The following LIMS2 variants were observed in gnomAD, a reference collection of about 807,000 sequenced individuals.
LIMS2 encodes the protein LIM and senescent cell antigen-like-containing domain protein 2.
Under a neutral mutation model 45.3 loss-of-function variants are expected in LIMS2, and 30 were observed. The ratio of observed to expected loss-of-function variants is 0.66; its 90% CI spans 0.50 to 0.90. The LOEUF is 0.90. Ranked by LOEUF, LIMS2 falls within the 40% of genes least tolerant of loss-of-function variation. The pLI is 0.00. For synonymous variants in LIMS2, 173 were observed against 188.0 expected, an observed-to-expected ratio of 0.92 and a Z score of 0.65; for missense variants, 485 against 468.7, an observed-to-expected ratio of 1.03 and a Z score of -0.32.
chr2:127,677,178 G>C (rs547351916), upstream of LIMS2, among the ~76,000 whole-genome samples: 1 of 152,324 alleles, frequency 6.6e-6, no homozygotes, highest in East Asian at 1.9e-4. This position sits in a 1 kb window ranked among gnomAD's most constrained non-coding sequence, Gnocchi z 5.0. Flanking sequence ...AGAGTTGCAG[G>C]AAAGAGCTGG....
At position 127,639,186 on chromosome 2, in the gene LIMS2, C is replaced by T. The variant is rs748047860; in HGVS notation, c.*95G>A. ...GGAAAGAGAAAGGGAGGGTAAGATG[C>T]GGAGGGCACAGGTGGATGGGGACGA... On this transcript the variant is annotated 3_prime_UTR_variant, in exon 10 of 10. Coordinates refer to ENST00000355119, the MANE Select transcript of LIMS2 (RefSeq NM_001161403.3). 52 of 1,315,912 alleles carry T rather than the reference C, an allele frequency of 4.0e-5. No individual in the cohort carries two copies. The highest frequency in any genetic ancestry group is 6.0e-5 in the Admixed American group (3 of 49,604). 81.5% of individuals were successfully genotyped at this position (1,315,912 alleles called of 1,614,324 possible).
intron 4 of LIMS2, 74 bp downstream of exon 4, chr2:127,654,350 C>T: frequency 6.2e-7 from 1 of 1,600,442 alleles, no homozygotes; most frequent in African/African-American, 1.3e-5. Flanking sequence ...AAGTGGGTAG[C>T]ACACAGGAGA....
At chr2:127,651,633 G>C (rs201125162) in intron 4 of LIMS2, 11 of 1,613,396 alleles carry the variant, frequency 6.8e-6, no homozygotes, top group Non-Finnish European at 1.7e-6. Flanking sequence ...GTATTTCTTC[G>C]TGGCTGAGAA....
In LIMS2 at chr2:127,647,238, C is replaced by T. The variant is rs1683089071; in HGVS notation, c.360-4166G>A. ...GGGCCCCTAAAATGAGGGAGTGGCC[C>T]CAGGGCCAGGAGGGGGTGCTGAGCC... On this transcript the variant is annotated intron_variant, in intron 4 of 9. Transcript: ENST00000355119. This position sits in a 1 kb window ranked among gnomAD's most constrained non-coding sequence, Gnocchi z 4.3. Among the ~76,000 whole-genome samples, 2 of 152,176 alleles carry T rather than the reference C, an allele frequency of 1.3e-5. No individual in the cohort carries two copies. The highest frequency in any genetic ancestry group is 4.8e-5 in the African/African-American group (2 of 41,456).
chr2:127,643,137 GA>G, intron 4 of LIMS2, 65 bp from the exon 5 acceptor site: 1 of 1,502,414 alleles, frequency 6.7e-7, no homozygotes, highest in East Asian at 2.5e-5. Context: ...ACCTCCAGGA[GA>G]AGAGAGGCCA....
chr2:127,641,197 GACA>G, intron 6 of LIMS2: 1 of 550,138 alleles, frequency 1.8e-6, no homozygotes, highest in Admixed American at 3.0e-5. Flanking sequence ...AGAGGGGACT[GACA>G]CCTCTGTGAA....
At chr2:127,663,325 C>T (rs1411669446) in intron 1 of LIMS2, among the ~76,000 whole-genome samples, 1 of 152,216 alleles carries the variant, frequency 6.6e-6, no homozygotes, top group African/African-American at 2.4e-5. Flanking sequence ...CAGCAGGCTG[C>T]CCCAGACCTG....
upstream of LIMS2, among the ~76,000 whole-genome samples, chr2:127,679,613 C>A (rs1456279255): frequency 2.0e-5 from 3 of 151,936 alleles, no homozygotes; most frequent in Non-Finnish European, 2.9e-5. The surrounding 1 kb of genome is among the most constrained non-coding windows in gnomAD (Gnocchi z 5.3). Flanking sequence ...CTCCACCCCC[C>A]ACCTTCTCCC....
At chr2:127,641,862 G>C (rs879384207) in intron 6 of LIMS2, 187 bp downstream of exon 6, 6 of 606,422 alleles carry the variant, frequency 9.9e-6, no homozygotes, top group Non-Finnish European at 1.4e-5. Flanking sequence ...CGGGTCTCCT[G>C]GCTCCCGTGG....
chr2:127,671,655 G>A lies in LIMS2; in HGVS notation c.11+3359C>T, dbSNP rs970288337. Among the ~76,000 whole-genome samples the A allele has an allele frequency of 2.0e-5, 3 of 152,180 alleles. No homozygotes were observed. In the East Asian group the frequency reaches 5.8e-4, roughly 29 times the overall value. On this transcript the variant is annotated intron_variant, in intron 1 of 9. Coordinates refer to ENST00000355119, the MANE Select transcript of LIMS2 (RefSeq NM_001161403.3). The surrounding 1 kb of genome is among the most constrained non-coding windows in gnomAD (Gnocchi z 4.1). ...AGCCCAGGTGGGGGTATCACACCACGGGACTGGACACCCTGCAGATCAGTC... is the reference window on the plus strand; with the variant it reads ...AGCCCAGGTGGGGGTATCACACCACAGGACTGGACACCCTGCAGATCAGTC...
intron 1 of LIMS2, among the ~76,000 whole-genome samples, chr2:127,673,496 G>T (rs774315107): frequency 1.4e-4 from 21 of 152,306 alleles, no homozygotes; most frequent in Non-Finnish European, 2.2e-4. Flanking sequence ...CTTCCCAGCG[G>T]TTCCGGCCGG....
Position 127,654,634 on chromosome 2 carries a change from T to C in LIMS2, c.239-90A>G, listed in dbSNP as rs1196895503. On this transcript the variant is annotated intron_variant, in intron 3 of 9. Transcript: ENST00000355119. The stretch of plus-strand genomic sequence containing the variant: ...AGCCCTGTCCACCTAGCACTCCGCC[T>C]GCTCTCTGCCTGGCCCATGGGCTCC... 2.5e-6 allele frequency: 4 copies of C among 1,583,722 alleles called. No individual in the cohort carries two copies. In the Admixed American group the frequency reaches 6.8e-5, roughly 27 times the overall value.
rs1359082246 is a variant in LIMS2 at position 127,653,512 on chromosome 2, T to C, written c.359+912A>G. Among the ~76,000 whole-genome samples the C allele has an allele frequency of 6.6e-6, 1 of 152,190 alleles. No individual in the cohort carries two copies. The highest frequency in any genetic ancestry group is 1.5e-5 in the Non-Finnish European group (1 of 68,036). On this transcript the variant is annotated intron_variant, in intron 4 of 9. Transcript: ENST00000355119. The surrounding 1 kb of genome is among the most constrained non-coding windows in gnomAD (Gnocchi z 5.3). ...TGTGCCATTTAGGGCTCTAGGATTC[T>C]GTCTGCAAGGGCAGCCATGAGGGCC...
chr2:127,677,838 G>A (rs1186693730), upstream of LIMS2, among the ~76,000 whole-genome samples: 2 of 152,176 alleles, frequency 1.3e-5, no homozygotes, highest in Admixed American at 1.3e-4. The surrounding 1 kb of genome is among the most constrained non-coding windows in gnomAD (Gnocchi z 5.0). Flanking sequence ...TCAGAACGGT[G>A]GCTGCCTCAG....
chr2:127,655,041 C>A (rs1684163017), intron 2 of LIMS2, 145 bp from the exon 3 acceptor site: 5 of 762,456 alleles, frequency 6.6e-6, no homozygotes, highest in Non-Finnish European at 9.3e-6. Context: ...CAGTGGGTCC[C>A]AGGCCTGGCC....
intron 8 of LIMS2, 32 bp from the exon 9 acceptor site, chr2:127,640,177 G>A (rs888881606): frequency 3.7e-6 from 6 of 1,612,670 alleles, no homozygotes; most frequent in Non-Finnish European, 5.1e-6. Flanking sequence ...CAGCAGGCCT[G>A]GCTAGGCTGC....
chr2:127,670,613 G>A (rs1685229925), intron 1 of LIMS2, among the ~76,000 whole-genome samples: 1 of 152,252 alleles, frequency 6.6e-6, no homozygotes, highest in Admixed American at 6.5e-5. Flanking sequence ...CTAAAGTGGT[G>A]AATTTAATAA....
chr2:127,640,601 G>A, intron 7 of LIMS2: 1 of 599,370 alleles, frequency 1.7e-6, no homozygotes, highest in East Asian at 2.8e-5. Context: ...CATCCCACCA[G>A]CGCCCCCTGC....
At chr2:127,657,350 A>T in intron 2 of LIMS2, 53 bp downstream of exon 2, 1 of 1,608,150 alleles carries the variant, frequency 6.2e-7, no homozygotes. Flanking sequence ...CCACCCGCTC[A>T]TAGAGGGCAG....
Sources: gnomAD v4.1 joint callset for allele counts (sites outside exome capture counted in the v4.1 genomes callset) on GRCh38, gnomAD v4.1.1 for gene constraint, Gnocchi (gnomAD v3.1) non-coding constraint, MANE v1.5 for transcripts, NCBI Gene and HGNC (gene_info 2026-07-23, HGNC 2026-07-21) for gene names.